The following DSCAML1 variants were observed in gnomAD, a reference collection of about 807,000 sequenced individuals.
DSCAML1 encodes the protein cell adhesion molecule DSCAML1.
Under a neutral mutation model 200.5 loss-of-function variants are expected in DSCAML1, and 38 were observed. That is an observed-to-expected ratio of 0.19 (90% confidence interval 0.15 to 0.25). The LOEUF (loss-of-function observed/expected upper bound fraction) is 0.25, where lower values mean the gene tolerates loss of function less well. Ranked by LOEUF, DSCAML1 falls within the 10% of genes least tolerant of loss-of-function variation. DSCAML1 has a pLI of 1.00. For missense variants in DSCAML1, 2,223 were observed against 2,858.8 expected (o/e 0.78, Z 5.07); for synonymous variants, 1,215 against 1,165.0 (o/e 1.04, Z -0.87).
chr11:117,748,775 G>A (rs908618515), intron 3 of DSCAML1, among the ~76,000 whole-genome samples: 2 of 152,210 alleles, frequency 1.3e-5, no homozygotes, highest in African/African-American at 4.8e-5. Flanking sequence ...ACCATCTAGG[G>A]AGGCCGAGAA....
At chr11:117,535,500 G>A (rs1388161847) in intron 3 of DSCAML1, among the ~76,000 whole-genome samples, 1 of 152,218 alleles carries the variant, frequency 6.6e-6, no homozygotes, top group Non-Finnish European at 1.5e-5. Flanking sequence ...ACTCGGGGCT[G>A]TGGGTGAGGA....
chr11:117,523,280 AAGAG>A (rs1030188427), intron 5 of DSCAML1, among the ~76,000 whole-genome samples: 3 of 150,310 alleles, frequency 2.0e-5, no homozygotes, highest in East Asian at 1.9e-4. Flanking sequence ...TTTGGAGAGA[AAGAG>A]AGAGAAAGAG....
intron 14 of DSCAML1, among the ~76,000 whole-genome samples, chr11:117,474,976 C>T (rs1167908686): frequency 8.6e-5 from 13 of 152,014 alleles, no homozygotes; most frequent in Admixed American, 2.6e-4. Flanking sequence ...AGGATGGTCT[C>T]GATCTCCTGA....
intron 3 of DSCAML1, among the ~76,000 whole-genome samples, chr11:117,573,375 C>T (rs76948040): frequency 0.08 from 12,199 of 152,296 alleles, 547 homozygotes; most frequent in Middle Eastern, 0.14. Context: ...CTGCTGGGGC[C>T]GGCTGGGCAG....
intron 6 of DSCAML1, among the ~76,000 whole-genome samples, chr11:117,520,167 C>T (rs1347996526): frequency 6.6e-6 from 1 of 152,232 alleles, no homozygotes; most frequent in African/African-American, 2.4e-5. Context: ...TGTGTGGGCA[C>T]AGCCCAGTGC....
intron 3 of DSCAML1, among the ~76,000 whole-genome samples, chr11:117,721,456 ATTAG>A (rs774694061): frequency 6.6e-6 from 1 of 152,112 alleles, no homozygotes; most frequent in African/African-American, 2.4e-5. Context: ...CAGCTGACAT[ATTAG>A]TTAGTTATTA....
intron 3 of DSCAML1, among the ~76,000 whole-genome samples, chr11:117,680,872 G>A (rs772647176): frequency 1.3e-5 from 2 of 152,152 alleles, no homozygotes; most frequent in African/African-American, 2.4e-5. Flanking sequence ...TGACAGCTGC[G>A]GTGACAACCC....
Position 117,461,515 on chromosome 11 carries a change from C to G in DSCAML1, c.3347G>C (p.Arg1116Pro), listed in dbSNP as rs1462193959. 1.2e-6 allele frequency: 2 copies of G among 1,614,208 alleles called. No homozygotes were observed. Among genetic ancestry groups the G allele is most frequent in the Non-Finnish European group, 1.7e-6 (2 of 1,180,044 alleles). The change falls in exon 18 of 33, where the codon CGC (arginine) becomes CCC (proline). Residue 1116 changes from arginine (R) to proline (P), a missense_variant. By Grantham distance (103) the Arg-to-Pro change is moderately radical (BLOSUM62 -2). Transcript: ENST00000651296. ...TTTGAGGACGCCATTGAGGGTGCTGCGCGGGGGCTCTGACCAGGAGATGAC... is the reference window on the plus strand; with the variant it reads ...TTTGAGGACGCCATTGAGGGTGCTGGGCGGGGGCTCTGACCAGGAGATGAC... ...VAVISWSEPP[R>P]STLNGVLKGY... is the part of the protein sequence containing the mutation.
chr11:117,721,761 T>C (rs1386750702), intron 3 of DSCAML1, among the ~76,000 whole-genome samples: 4 of 147,740 alleles, frequency 2.7e-5, no homozygotes, highest in Non-Finnish European at 1.5e-5. Flanking sequence ...AAATACATCA[T>C]ATAGAAAATA....
At chr11:117,668,073 T>A (rs1179931223) in intron 3 of DSCAML1, among the ~76,000 whole-genome samples, 5 of 152,228 alleles carry the variant, frequency 3.3e-5, no homozygotes, top group African/African-American at 1.2e-4. Context: ...ACAACAACCC[T>A]GGGAGGTGGG....
chr11:117,715,717 G>C (rs57455229), intron 3 of DSCAML1, among the ~76,000 whole-genome samples: 2 of 152,280 alleles, frequency 1.3e-5, no homozygotes, highest in African/African-American at 4.8e-5. Context: ...GGGTTGGCTG[G>C]GGAAGCAGGT....
chr11:117,600,530 G>A (rs1002377484), intron 3 of DSCAML1, among the ~76,000 whole-genome samples: 6 of 152,142 alleles, frequency 3.9e-5, no homozygotes, highest in African/African-American at 1.4e-4. Flanking sequence ...GGGGCCATTT[G>A]AGTCCATCCC....
intron 3 of DSCAML1, among the ~76,000 whole-genome samples, chr11:117,651,684 C>T (rs759512235): frequency 1.5e-5 from 2 of 135,932 alleles, no homozygotes; most frequent in Non-Finnish European, 3.1e-5. Context: ...CGTACTCCAG[C>T]CTGGGCGACA....
chr11:117,576,477 T>G (rs1357560154), intron 3 of DSCAML1, among the ~76,000 whole-genome samples: 2 of 152,214 alleles, frequency 1.3e-5, no homozygotes, highest in Non-Finnish European at 2.9e-5. Context: ...CCCAGTTCCC[T>G]TCACTTTACC....
chr11:117,464,852 C>T, intron 17 of DSCAML1, 90 bp downstream of exon 17: 1 of 1,549,732 alleles, frequency 6.5e-7, no homozygotes, highest in Non-Finnish European at 8.7e-7. Flanking sequence ...GGCCCAGGGG[C>T]AAACAGAGGG....
At chr11:117,671,586 CA>C (rs1284490219) in intron 3 of DSCAML1, among the ~76,000 whole-genome samples, 1 of 152,174 alleles carries the variant, frequency 6.6e-6, no homozygotes, top group African/African-American at 2.4e-5. Context: ...AGAGTCACAT[CA>C]GGGGGTATCA....
intron 14 of DSCAML1, among the ~76,000 whole-genome samples, chr11:117,472,346 A>T (rs971664418): frequency 1.3e-5 from 2 of 152,172 alleles, no homozygotes; most frequent in African/African-American, 4.8e-5. Context: ...GCTATCCCTG[A>T]GGGTCTGACT....
chr11:117,649,362 C>A (rs2052583007), intron 3 of DSCAML1, among the ~76,000 whole-genome samples: 1 of 152,152 alleles, frequency 6.6e-6, no homozygotes, highest in Admixed American at 6.5e-5. Context: ...AGCCACCATG[C>A]CCCGCCAACT....
rs551270626 is a variant in DSCAML1 at position 117,505,979 on chromosome 11, C to T, written c.1784-247G>A. Among the ~76,000 whole-genome samples the T allele has an allele frequency of 6.6e-6, 1 of 152,220 alleles. No individual in the cohort carries two copies. The highest frequency in any genetic ancestry group is 1.5e-5 in the Non-Finnish European group (1 of 68,032). ...TTGACTGGCCTGGATTAACTCTGACCTTTTGATGTGTCCTGGAATTTGATT... is the reference window on the plus strand; with the variant it reads ...TTGACTGGCCTGGATTAACTCTGACTTTTTGATGTGTCCTGGAATTTGATT... On this transcript the variant is annotated intron_variant, in intron 8 of 32. Coordinates refer to ENST00000651296, the MANE Select transcript of DSCAML1 (RefSeq NM_020693.4). The surrounding 1 kb of genome is among the most constrained non-coding windows in gnomAD (Gnocchi z 6.7).
Sources: gnomAD v4.1 joint callset for allele counts (sites outside exome capture counted in the v4.1 genomes callset) on GRCh38, gnomAD v4.1.1 for gene constraint, Gnocchi (gnomAD v3.1) non-coding constraint, MANE v1.5 for transcripts, NCBI Gene and HGNC (gene_info 2026-07-23, HGNC 2026-07-21) for gene names.